The following NAA11 variants were observed in gnomAD, a reference collection of about 807,000 sequenced individuals.
NAA11 encodes N-alpha-acetyltransferase 11.
Under a neutral mutation model 16.1 loss-of-function variants are expected in NAA11, and 15 were observed. That is an observed-to-expected ratio of 0.93 (90% CI 0.62 to 1.44). The LOEUF (loss-of-function observed/expected upper bound fraction) is 1.44. NAA11 is among the 40% of genes most tolerant of loss of function. The probability of loss-of-function intolerance (pLI) is 0.00; values close to 1 mark genes in which losing one functional copy is unlikely to be tolerated. For synonymous variants in NAA11, 122 were observed against 112.4 expected, an observed-to-expected ratio of 1.09 and a Z score of -0.54; for missense variants, 298 against 291.3, an observed-to-expected ratio of 1.02 and a Z score of -0.17.
intron 2 of NAA11, among the ~76,000 whole-genome samples, chr4:79,272,555 T>G (rs1156960071): frequency 6.6e-6 from 1 of 152,016 alleles, no homozygotes; most frequent in Non-Finnish European, 1.5e-5. Flanking sequence ...AGGTGCATTA[T>G]AAGCCCTTAA....
the NAA11 span, among the ~76,000 whole-genome samples, chr4:79,180,744 G>A: frequency 1.0e-5 from 1 of 97,580 alleles, no homozygotes; most frequent in African/African-American, 2.7e-5. Flanking sequence ...ATACCCAAAG[G>A]ATTATAAATC....
the NAA11 span, among the ~76,000 whole-genome samples, chr4:79,193,718 T>G: frequency 1.3e-5 from 2 of 152,216 alleles, no homozygotes; most frequent in African/African-American, 4.8e-5. Context: ...GGCTCTTTTT[T>G]GGTTGCATAT....
At position 79,305,852 on chromosome 4, in the gene NAA11, C is replaced by T. The variant is rs573421003; in HGVS notation, c.*13-11738G>A. 5.9e-5 allele frequency among the ~76,000 whole-genome samples: 9 copies of T among 152,208 alleles called. No individual in the cohort carries two copies. The East Asian group carries it at 9.6e-4, about 16-fold the overall frequency. On this transcript the variant is annotated intron_variant and NMD_transcript_variant, in intron 1 of 2. Coordinates refer to the NAA11 transcript ENST00000511542. Reference sequence around the variant, plus strand: ...AATCTAGTTTTCATCATTTTTTCTACTAGTAATTTGTACATTTCTCTTATT... The same window carrying T: ...AATCTAGTTTTCATCATTTTTTCTATTAGTAATTTGTACATTTCTCTTATT...
rs1197079013 is a variant in NAA11 at position 79,326,000 on chromosome 4, G to C, written c.-123C>G. The C allele has an allele frequency of 6.3e-6, 5 of 790,556 alleles. No individual in the cohort carries two copies. Among genetic ancestry groups the C allele is most frequent in the East Asian group, 5.4e-5 (2 of 37,362 alleles). 49.0% of individuals were successfully genotyped at this position (790,556 alleles called of 1,614,324 possible). A position where few individuals can be genotyped will look rare whatever the true frequency, so the allele number is the denominator to read the frequency against. On this transcript the variant is annotated 5_prime_UTR_variant, in exon 1 of 2. Transcript: ENST00000286794. Reference sequence around the variant, plus strand: ...GGGGCTAACACCACCGGGCTGAATCGTGTGGAGGGCGGATGGCGGGAAGGC... The same window carrying C: ...GGGGCTAACACCACCGGGCTGAATCCTGTGGAGGGCGGATGGCGGGAAGGC...
chr4:79,232,149 T>C (rs917760853), intron 2 of NAA11, among the ~76,000 whole-genome samples: 3 of 151,898 alleles, frequency 2.0e-5, no homozygotes, highest in Admixed American at 2.0e-4. Context: ...CACAGTATTG[T>C]TGAGGTTTAG....
chr4:79,166,474 C>G, the NAA11 span, among the ~76,000 whole-genome samples: 12 of 151,156 alleles, frequency 7.9e-5, no homozygotes, highest in South Asian at 1.9e-3. Context: ...CTATCAGTCT[C>G]CCTAGTAGCT....
the NAA11 span, among the ~76,000 whole-genome samples, chr4:79,163,242 A>T: frequency 6.6e-6 from 1 of 152,302 alleles, no homozygotes; most frequent in Non-Finnish European, 1.5e-5. Context: ...GAACTGAGAA[A>T]GTCACTTACC....
intron 1 of NAA11, among the ~76,000 whole-genome samples, chr4:79,304,926 G>A (rs1723528291): frequency 6.6e-6 from 1 of 152,182 alleles, no homozygotes; most frequent in Admixed American, 6.5e-5. Flanking sequence ...CAGGGTTCCT[G>A]TGGCAAGGAG....
At chr4:79,164,445 T>C in the NAA11 span, among the ~76,000 whole-genome samples, 2 of 152,202 alleles carry the variant, frequency 1.3e-5, no homozygotes, top group Non-Finnish European at 2.9e-5. Flanking sequence ...GACGGTGTCT[T>C]TCTAAGAGAA....
chr4:79,224,218 A>G (rs993487610), downstream of NAA11, among the ~76,000 whole-genome samples: 2 of 152,122 alleles, frequency 1.3e-5, no homozygotes, highest in South Asian at 2.1e-4. Context: ...TCCAGGTGAC[A>G]TAATTCCAAG....
chr4:79,317,737 AGACT>A lies in NAA11; in HGVS notation c.*63_*66del, dbSNP rs1166303685. The A allele has an allele frequency of 6.6e-6, 1 of 152,306 alleles. No individual in the cohort carries two copies. The highest frequency in any genetic ancestry group is 1.5e-5 in the Non-Finnish European group (1 of 68,082). 9.4% of individuals were successfully genotyped at this position (152,306 alleles called of 1,614,324 possible). ...CCACAGCAGATGCTGCAGAGCAGAC[AGACT>A]AAGCCAGGGTTCACAGAGTAGATGT... is the stretch of plus-strand genomic sequence containing the variant. On this transcript the variant is annotated 3_prime_UTR_variant, in exon 2 of 2. Transcript: ENST00000286794.
intron 1 of NAA11, among the ~76,000 whole-genome samples, chr4:79,309,143 T>G (rs2110009065): frequency 6.6e-6 from 1 of 152,356 alleles, no homozygotes; most frequent in Middle Eastern, 3.4e-3. Flanking sequence ...CAACCTTTTC[T>G]TTCCCCCAGA....
chr4:79,193,701 C>A, the NAA11 span, among the ~76,000 whole-genome samples: 1 of 152,104 alleles, frequency 6.6e-6, no homozygotes, highest in African/African-American at 2.4e-5. Context: ...ATTGATTTGG[C>A]AATGCGGGCT....
intron 2 of NAA11, among the ~76,000 whole-genome samples, chr4:79,293,790 T>C (rs1253560082): frequency 1.3e-5 from 2 of 152,232 alleles, no homozygotes; most frequent in Admixed American, 6.5e-5. Context: ...ATGGTTTAAA[T>C]GTGTCCCCCA....
At chr4:79,300,011 A>G (rs941870304) in intron 1 of NAA11, among the ~76,000 whole-genome samples, 2 of 152,184 alleles carry the variant, frequency 1.3e-5, no homozygotes, top group African/African-American at 4.8e-5. Context: ...GGTGATGGAA[A>G]TGTCATGCTT....
chr4:79,250,962 AAAAATAAC>A (rs1200147249), intron 2 of NAA11, among the ~76,000 whole-genome samples: 8 of 152,248 alleles, frequency 5.3e-5, no homozygotes, highest in Non-Finnish European at 1.2e-4. Flanking sequence ...TAAAAAGTCA[AAAAATAAC>A]AGATGCAAGT....
intron 2 of NAA11, among the ~76,000 whole-genome samples, chr4:79,276,901 G>A (rs1169507597): frequency 6.6e-6 from 1 of 152,142 alleles, no homozygotes; most frequent in Non-Finnish European, 1.5e-5. Context: ...TAGTAAAAAT[G>A]TAGATTGGAT....
At chr4:79,180,098 C>T in the NAA11 span, among the ~76,000 whole-genome samples, 12 of 152,154 alleles carry the variant, frequency 7.9e-5, no homozygotes, top group African/African-American at 1.2e-4. Context: ...ACGGGGACTA[C>T]AATTCAAGAT....
the NAA11 span, among the ~76,000 whole-genome samples, chr4:79,162,912 T>C: frequency 2.0e-5 from 3 of 152,228 alleles, no homozygotes; most frequent in Non-Finnish European, 2.9e-5. Flanking sequence ...GTATTTTTCA[T>C]ATATTATTAT....
Sources: gnomAD v4.1 joint callset for allele counts (sites outside exome capture counted in the v4.1 genomes callset) on GRCh38, gnomAD v4.1.1 for gene constraint, MANE v1.5 for transcripts, NCBI Gene and HGNC (gene_info 2026-07-23, HGNC 2026-07-21) for gene names.